Variants in KIFC3 observed in about 807,000 individuals in gnomAD.
The protein encoded by KIFC3 is kinesin-like protein KIFC3.
A neutral mutation model predicts 101.8 loss-of-function variants in KIFC3; 60 were observed. The observed-to-expected ratio is 0.59, with a 90% CI of 0.48 to 0.73. KIFC3 has a LOEUF of 0.73. KIFC3 is among the 30% of genes least tolerant of loss of function. The pLI, the probability that KIFC3 is intolerant of heterozygous loss-of-function variation, is 0.00. For synonymous variants in KIFC3, 476 were observed against 482.7 expected, an observed-to-expected ratio of 0.99 and a Z score of 0.18; for missense variants, 966 against 1,137.1, an observed-to-expected ratio of 0.85 and a Z score of 2.16.
chr16:57,822,504 C>G (rs1245811801), intron 1 of KIFC3, among the ~76,000 whole-genome samples: 3 of 152,106 alleles, frequency 2.0e-5, no homozygotes, highest in African/African-American at 7.2e-5. Context: ...TGAGACCAGC[C>G]TGCCCAACAT....
intron 1 of KIFC3, chr16:57,815,500 T>G: frequency 7.9e-7 from 1 of 1,261,034 alleles, no homozygotes; most frequent in Non-Finnish European, 1.0e-6. Context: ...CTGGCTGATC[T>G]GGGACCACAT....
chr16:57,774,872 C>T, intron 3 of KIFC3: 1 of 1,390,278 alleles, frequency 7.2e-7, no homozygotes, highest in Non-Finnish European at 9.3e-7. Context: ...ACTCTCCCTA[C>T]CCTGACATAA....
At chr16:57,861,097 G>T (rs1456022156) in intron 1 of KIFC3, among the ~76,000 whole-genome samples, 22 of 152,172 alleles carry the variant, frequency 1.4e-4, no homozygotes, top group Admixed American at 1.4e-3. Flanking sequence ...TGATCAGCTT[G>T]TGACGGGCTA....
chr16:57,805,990 C>T (rs1568070777), upstream of KIFC3, among the ~76,000 whole-genome samples: 1 of 152,148 alleles, frequency 6.6e-6, no homozygotes, highest in Non-Finnish European at 1.5e-5. Context: ...CTGCCCGCCT[C>T]AACCTCCCAA....
At chr16:57,807,136 G>T (rs1797428326), upstream of KIFC3, among the ~76,000 whole-genome samples, 3 of 152,038 alleles carry the variant, frequency 2.0e-5, no homozygotes, top group African/African-American at 7.3e-5. Context: ...AGAATTGCTT[G>T]AACCCAGGAG....
At position 57,765,500 on chromosome 16, in the gene KIFC3, C is replaced by T. The variant is rs1300503480; in HGVS notation, c.1471G>A (p.Glu491Lys). The T allele has an allele frequency of 3.1e-6, 5 of 1,589,884 alleles. No individual in the cohort carries two copies. Among genetic ancestry groups the T allele is most frequent in the Admixed American group, 1.8e-5 (1 of 56,070 alleles). ...TGTGGGGAGAAGACCTTGTCCAGCT[C>T]GAAGGACACAGGCTTGCCCTTGTGC... ...LLHKGKPVSFELDKVFSPQAS... is the reference protein window; with the variant it reads ...LLHKGKPVSFKLDKVFSPQAS... The change falls in exon 11 of 20, where the codon GAG becomes AAG. Residue 491 changes from glutamate (E) to lysine (K), a missense_variant. Physicochemically the swap from Glu to Lys is moderately conservative, Grantham distance 56. This residue lies in a region of KIFC3 where 689 missense variants were observed against 884.6 expected (regional missense o/e 0.78). Transcript: ENST00000445690.
In KIFC3 at chr16:57,760,889, C is replaced by T. The variant is rs2049766360; in HGVS notation, c.2069G>A (p.Arg690His). 10 of 1,610,200 alleles carry T rather than the reference C, an allele frequency of 6.2e-6. No homozygotes were observed. Among genetic ancestry groups the T allele is most frequent in the African/African-American group, 1.3e-5 (1 of 74,910 alleles). The part of the protein sequence containing the change: ...RVGKSGAEGS[R>H]LREAQHINKS... ...GTTGATGTGCTGCGCCTCCCGCAGG[C>T]GGCTGCCCTCGGCCCCCGACTTGCC... is the stretch of plus-strand genomic sequence containing the variant. The change falls in exon 16 of 20, where the codon CGC becomes CAC. Residue 690 changes from arginine to histidine, a missense_variant. Arg to His is a conservative substitution (Grantham distance 29). Around this residue, in one of 2 missense-constraint regions of KIFC3, gnomAD observed 689 missense variants for 884.6 expected, o/e 0.78. Coordinates refer to ENST00000445690, the MANE Select transcript of KIFC3 (RefSeq NM_001130100.2).
At chr16:57,826,293 T>A in intron 1 of KIFC3, among the ~76,000 whole-genome samples, 1 of 152,220 alleles carries the variant, frequency 6.6e-6, no homozygotes, top group Non-Finnish European at 1.5e-5. Context: ...CCTTCTATGG[T>A]TGTACTTTTT....
rs1555607119 is a variant in KIFC3 at position 57,770,580 on chromosome 16, T to C, written c.886A>G (p.Met296Val). ...VAMQRQVLKE[M>V]EQQLQSSHQL... ...TGTGAGCTCTGCAGCTGCTGTTCCA[T>C]CTCCTTCAGCACCTGCCTCTGCATA... The change falls in exon 7 of 20, where the codon ATG (methionine) becomes GTG (valine). Residue 296 changes from methionine (M) to valine (V), a missense_variant. Coordinates refer to ENST00000445690, the MANE Select transcript of KIFC3 (RefSeq NM_001130100.2). The C allele has an allele frequency of 6.6e-7, 1 of 1,516,916 alleles. No homozygotes were observed. Among genetic ancestry groups the C allele is most frequent in the South Asian group, 1.2e-5 (1 of 80,106 alleles). The allele number at this position is 1,516,916 out of a possible 1,614,324, so 94.0% of individuals were successfully genotyped here.
chr16:57,849,992 C>T (rs1288469502), intron 1 of KIFC3, among the ~76,000 whole-genome samples: 2 of 152,106 alleles, frequency 1.3e-5, no homozygotes, highest in South Asian at 2.1e-4. Flanking sequence ...GAATCAGCCT[C>T]GAAAAGTAGG....
intron 1 of KIFC3, among the ~76,000 whole-genome samples, chr16:57,859,469 CAA>C (rs1280650729): frequency 1.3e-5 from 2 of 152,162 alleles, no homozygotes; most frequent in African/African-American, 4.8e-5. Flanking sequence ...GTTAAAGCGT[CAA>C]AAGAGTCTCA....
Position 57,765,639 on chromosome 16 carries a change from C to A in KIFC3, c.1332G>T (p.Gly444=), listed in dbSNP as rs782186512. ...GGACACGAGCAATCACTCGGATGTT[C>A]CCTGGATTGGTTGGGGATGGGGAAA... The part of the protein sequence containing the change: ...KCHNELVRLK[G]NIRVIARVRP... Residue 444 remains glycine (G), a splice_region_variant and synonymous_variant, in exon 11 of 20, where the codon GGG becomes GGT. Coordinates refer to ENST00000445690, the MANE Select transcript of KIFC3 (RefSeq NM_001130100.2). 8.7e-6 allele frequency: 14 copies of A among 1,608,518 alleles called. No homozygotes were observed. The South Asian group carries it at 1.4e-4, about 17-fold the overall frequency.
At chr16:57,807,952 A>AAAAC (rs2054978645), upstream of KIFC3, 1 of 111,096 alleles carries the variant, frequency 9.0e-6, no homozygotes, top group African/African-American at 2.7e-5. Flanking sequence ...AAAAAAAAAA[A>AAAAC]AAAAAAACCT....
At chr16:57,759,625 C>T (rs1263011614) in intron 18 of KIFC3, 103 bp downstream of exon 18, 2 of 896,194 alleles carry the variant, frequency 2.2e-6, no homozygotes, top group East Asian at 5.5e-5. Flanking sequence ...GGTGTAAGAA[C>T]TTTTTAAAAA....
Position 57,769,858 on chromosome 16 carries a change from G to A in KIFC3, c.1037C>T (p.Ala346Val). 4 of 1,613,774 alleles carry A rather than the reference G, an allele frequency of 2.5e-6. No homozygotes were observed. The highest frequency in any genetic ancestry group is 3.4e-6 in the Non-Finnish European group (4 of 1,180,018). ...CATCTCCACCTGGGCTCTGGCAAAGGCCTCCTCAATGGCCCGGTTCTTGTC... is the reference window on the plus strand; with the variant it reads ...CATCTCCACCTGGGCTCTGGCAAAGACCTCCTCAATGGCCCGGTTCTTGTC... Reference protein sequence around the residue: ...EEDKNRAIEEAFARAQVEMKA... With the variant: ...EEDKNRAIEEVFARAQVEMKA... The change falls in exon 8 of 20, where the codon GCC becomes GTC. Residue 346 changes from alanine (A) to valine (V), a missense_variant. Physicochemically the swap from Ala to Val is moderately conservative, Grantham distance 64. Around this residue, in one of 2 missense-constraint regions of KIFC3, gnomAD observed 689 missense variants for 884.6 expected, o/e 0.78. Transcript: ENST00000445690. The surrounding 1 kb of genome is among the most constrained non-coding windows in gnomAD (Gnocchi z 4.3).
At position 57,769,164 on chromosome 16, in the gene KIFC3, G is replaced by C. The variant is rs2050847837; in HGVS notation, c.1218+431C>G. On this transcript the variant is annotated intron_variant, in intron 9 of 19. Coordinates refer to ENST00000445690, the MANE Select transcript of KIFC3 (RefSeq NM_001130100.2). The surrounding 1 kb of genome is among the most constrained non-coding windows in gnomAD (Gnocchi z 4.3). ...TTCTCCTGCCTCAGCCTCCCGAGTAGCTGGAATTAACAGGCACCTGCCACC... is the reference window on the plus strand; with the variant it reads ...TTCTCCTGCCTCAGCCTCCCGAGTACCTGGAATTAACAGGCACCTGCCACC... Among the ~76,000 whole-genome samples, 1 of 152,172 alleles carries C rather than the reference G, an allele frequency of 6.6e-6. No individual in the cohort carries two copies.
In KIFC3 at chr16:57,816,810, A is replaced by AAG. The variant is rs782138162; in HGVS notation, c.109-18529_109-18528insCT. 4.9e-3 allele frequency: 2,226 copies of AAG among 452,704 alleles called. 36 individuals are homozygous for AAG. Among genetic ancestry groups the AAG allele is most frequent in the African/African-American group, 0.04 (1,997 of 50,062 alleles). 28.0% of individuals were successfully genotyped at this position (452,704 alleles called of 1,614,324 possible). A position where few individuals can be genotyped will look rare whatever the true frequency, so the allele number is the denominator to read the frequency against. On this transcript the variant is annotated intron_variant, in intron 1 of 2. Transcript: ENST00000563028. ...GCTCATGGGAAACCAAGACCAGGGA[A>AAG]CCCATCCCACCCCCAGTAAGACTTG...
rs568049989 is a variant in KIFC3 at position 57,853,575 on chromosome 16, T to C, written c.108+9154A>G. ...TATTAATAATCACATTAAGTGTAAA[T>C]AGTCTAAATACACCAACTAAAAGAA... On this transcript the variant is annotated intron_variant, in intron 1 of 2. Transcript: ENST00000563028. Among the ~76,000 whole-genome samples, 7 of 152,308 alleles carry C rather than the reference T, an allele frequency of 4.6e-5. No individual in the cohort carries two copies. The East Asian group carries it at 1.3e-3, about 29-fold the overall frequency.
chr16:57,766,179 G>T (rs1326467368), intron 10 of KIFC3, among the ~76,000 whole-genome samples: 1 of 152,192 alleles, frequency 6.6e-6, no homozygotes, highest in African/African-American at 2.4e-5. Flanking sequence ...TCCAGCCTTT[G>T]TTGGGATCCC....
Sources: allele counts gnomAD v4.1 joint callset (sites outside exome capture counted in the v4.1 genomes callset), GRCh38; gene constraint gnomAD v4.1.1; regional missense constraint gnomAD v4.1.1; non-coding constraint Gnocchi (gnomAD v3.1); transcripts MANE v1.5; gene names NCBI Gene and HGNC (gene_info 2026-07-23, HGNC 2026-07-21).